The following CASP6 variants were observed in gnomAD, a reference collection of about 807,000 sequenced individuals.
CASP6 encodes caspase-6.
CASP6 carries 20 observed loss-of-function variants against 31.8 expected under a neutral mutation model. The observed-to-expected ratio is 0.63, with a 90% CI of 0.44 to 0.91. The LOEUF (loss-of-function observed/expected upper bound fraction) is 0.91. Ranked by LOEUF, CASP6 falls within the 40% of genes least tolerant of loss-of-function variation. The pLI, the probability that CASP6 is intolerant of heterozygous loss-of-function variation, is 0.00. For missense variants in CASP6, 328 were observed against 361.1 expected (o/e 0.91, Z 0.74); for synonymous variants, 130 against 127.8 (o/e 1.02, Z -0.12).
chr4:109,679,146 T>C, the CASP6 span, among the ~76,000 whole-genome samples: 56,710 of 143,026 alleles, frequency 0.4, 11,020 homozygotes, highest in East Asian at 0.54. Flanking sequence ...CGGGCAGAGG[T>C]GCTCCTCACT....
intron 4 of CASP6, 84 bp downstream of exon 4, chr4:109,696,326 T>C (rs1730237632): frequency 1.0e-6 from 1 of 965,232 alleles, no homozygotes; most frequent in Non-Finnish European, 1.6e-6. Flanking sequence ...ACACAAGTAA[T>C]TACTTGTACC....
downstream of CASP6, among the ~76,000 whole-genome samples, chr4:109,686,841 C>T (rs1387942259): frequency 6.6e-6 from 1 of 152,118 alleles, no homozygotes; most frequent in East Asian, 1.9e-4. Context: ...CACACCACTG[C>T]ACTCCAGCCT....
chr4:109,703,457 C>A, upstream of CASP6: 1 of 1,573,258 alleles, frequency 6.4e-7, no homozygotes, highest in Non-Finnish European at 8.6e-7. Flanking sequence ...GGCTCCCGGG[C>A]CCGGCCCCGC....
At chr4:109,697,579 A>T (rs748596902) in intron 3 of CASP6, 43 bp downstream of exon 3, 1 of 1,556,614 alleles carries the variant, frequency 6.4e-7, no homozygotes, top group Non-Finnish European at 8.7e-7. Context: ...AAGTAATTTT[A>T]TCACTTAACT....
chr4:109,707,616 C>T (rs568186863), upstream of CASP6, among the ~76,000 whole-genome samples: 1 of 152,236 alleles, frequency 6.6e-6, no homozygotes, highest in South Asian at 2.1e-4. Flanking sequence ...AAACTCCCGA[C>T]CTGGTATCTG....
At chr4:109,685,273 A>C, downstream of CASP6, 1 of 1,505,982 alleles carries the variant, frequency 6.6e-7, no homozygotes, top group East Asian at 2.3e-5. Flanking sequence ...TCAGCTGTTA[A>C]GAGTAGGCAA....
chr4:109,679,964 G>A, the CASP6 span, among the ~76,000 whole-genome samples: 1 of 152,118 alleles, frequency 6.6e-6, no homozygotes, highest in Non-Finnish European at 1.5e-5. Context: ...ACCATGCCCA[G>A]CTGATTTTTG....
chr4:109,697,530 G>C, intron 3 of CASP6, 92 bp downstream of exon 3: 1 of 1,424,128 alleles, frequency 7.0e-7, no homozygotes, highest in Non-Finnish European at 9.4e-7. Context: ...GCTTCCCAAA[G>C]TGCTGGGATT....
chr4:109,700,502 C>T (rs1484840850), intron 1 of CASP6, among the ~76,000 whole-genome samples: 1 of 152,188 alleles, frequency 6.6e-6, no homozygotes, highest in African/African-American at 2.4e-5. Flanking sequence ...CACCATACTC[C>T]AGCCTGGGTA....
chr4:109,697,562 T>C, intron 3 of CASP6, 60 bp downstream of exon 3: 7 of 1,534,556 alleles, frequency 4.6e-6, no homozygotes, highest in Non-Finnish European at 6.1e-6. Flanking sequence ...CCACCACACC[T>C]GGCCAAAAGT....
At chr4:109,665,170 T>C in the CASP6 span, among the ~76,000 whole-genome samples, 1 of 152,224 alleles carries the variant, frequency 6.6e-6, no homozygotes, top group Non-Finnish European at 1.5e-5. Flanking sequence ...ATTCTATAGA[T>C]TGTGACAAAT....
At chr4:109,670,444 G>T in the CASP6 span, among the ~76,000 whole-genome samples, 3 of 152,148 alleles carry the variant, frequency 2.0e-5, no homozygotes, top group African/African-American at 7.2e-5. Flanking sequence ...TTGGCCAGGC[G>T]CAGTGGTTCA....
chr4:109,676,291 C>A, the CASP6 span, among the ~76,000 whole-genome samples: 1 of 152,106 alleles, frequency 6.6e-6, no homozygotes, highest in African/African-American at 2.4e-5. Flanking sequence ...ATAATCCCGG[C>A]ACTTTAGGAG....
chr4:109,673,947 A>G, the CASP6 span: 1 of 800,698 alleles, frequency 1.2e-6, no homozygotes, highest in Non-Finnish European at 2.3e-6. Flanking sequence ...TTGGAATAGC[A>G]GGTTTTGCAG....
chr4:109,691,570 A>G (rs192085797), intron 5 of CASP6, among the ~76,000 whole-genome samples: 68 of 152,252 alleles, frequency 4.5e-4, no homozygotes, highest in African/African-American at 1.6e-3. Context: ...CAGAATTTAC[A>G]TTAAATTTAG....
downstream of CASP6, chr4:109,687,465 G>C: frequency 8.0e-7 from 1 of 1,251,540 alleles, no homozygotes. Flanking sequence ...AGTAATGTTG[G>C]TATGTTTCTC....
the CASP6 span, chr4:109,682,758 G>C: frequency 6.3e-7 from 1 of 1,591,564 alleles, no homozygotes; most frequent in Non-Finnish European, 8.5e-7. Flanking sequence ...GAAGCATCAC[G>C]GTTGAGTATA....
intron 5 of CASP6, 101 bp from the exon 6 acceptor site, chr4:109,691,110 C>G (rs1730042754): frequency 8.0e-7 from 1 of 1,243,314 alleles, no homozygotes; most frequent in Non-Finnish European, 1.1e-6. Flanking sequence ...TTCATTACAA[C>G]AGAAACCACA....
the CASP6 span, among the ~76,000 whole-genome samples, chr4:109,674,554 T>C: frequency 1.3e-5 from 2 of 152,256 alleles, no homozygotes; most frequent in Non-Finnish European, 2.9e-5. Context: ...TGGCTGACTC[T>C]GTTAGAACTC....
Sources: gnomAD v4.1 joint callset for allele counts (sites outside exome capture counted in the v4.1 genomes callset) on GRCh38, gnomAD v4.1.1 for gene constraint, MANE v1.5 for transcripts, NCBI Gene and HGNC (gene_info 2026-07-23, HGNC 2026-07-21) for gene names.